Variants in PDE4A observed in about 807,000 individuals in gnomAD.
PDE4A encodes 3',5'-cyclic-AMP phosphodiesterase 4A.
PDE4A carries 21 observed loss-of-function variants against 73.9 expected under a neutral mutation model. The ratio of observed to expected loss-of-function variants is 0.28; its 90% confidence interval spans 0.20 to 0.41. The LOEUF is 0.41. PDE4A is among the 10% of genes least tolerant of loss of function. The pLI is 1.00. For synonymous variants in PDE4A, 463 were observed against 505.4 expected, an observed-to-expected ratio of 0.92 and a Z score of 1.13; for missense variants, 958 against 1,211.4, an observed-to-expected ratio of 0.79 and a Z score of 3.10.
At chr19:10,436,642 A>G (rs1401916545) in intron 1 of PDE4A, among the ~76,000 whole-genome samples, 2 of 152,242 alleles carry the variant, frequency 1.3e-5, no homozygotes, top group African/African-American at 4.8e-5. Flanking sequence ...AAGCACTTTC[A>G]TAATGCCAGG....
At chr19:10,417,519 C>T (rs186350114), upstream of PDE4A, 1,024 of 1,430,804 alleles carry the variant, frequency 7.2e-4, 5 homozygotes, top group African/African-American at 0.013. Context: ...TGTGAGGGGT[C>T]AGCGAGTGGC....
intron 8 of PDE4A, 192 bp from the exon 9 acceptor site, chr19:10,459,206 CAG>C: frequency 1.1e-6 from 1 of 912,036 alleles, no homozygotes; most frequent in African/African-American, 1.7e-5. Flanking sequence ...ACTCAAAAGA[CAG>C]TGGCTGTGAT....
intron 4 of PDE4A, 77 bp from the exon 5 acceptor site, chr19:10,450,525 TG>T (rs1295134622): frequency 6.6e-7 from 1 of 1,507,794 alleles, no homozygotes; most frequent in Non-Finnish European, 8.9e-7. Context: ...AAATTGGCAC[TG>T]TTCATGAAAG....
Position 10,468,482 on chromosome 19 carries a change from C to G in PDE4A, c.*861C>G, listed in dbSNP as rs905385972. 7.5e-6 allele frequency: 1 copy of G among 132,762 alleles called. No homozygotes were observed. Among genetic ancestry groups the G allele is most frequent in the African/African-American group, 3.0e-5 (1 of 32,924 alleles). The allele number at this position is 132,762 out of a possible 1,614,324, so 8.2% of individuals were successfully genotyped here. A position where few individuals can be genotyped will look rare whatever the true frequency, so the allele number is the denominator to read the frequency against. On this transcript the variant is annotated 3_prime_UTR_variant, in exon 15 of 15. Transcript: ENST00000380702. ...TGGGGCAGTGGCTCTGATCCACTCACCCCCCCGCCCCCCGCCCCACTTCTA... is the reference window on the plus strand; with the variant it reads ...TGGGGCAGTGGCTCTGATCCACTCAGCCCCCCGCCCCCCGCCCCACTTCTA...
intron 1 of PDE4A, chr19:10,432,379 G>T: frequency 7.5e-7 from 1 of 1,327,282 alleles, no homozygotes. Flanking sequence ...AGCAGCGCGC[G>T]CCACACCGCC....
chr19:10,452,996 C>T, intron 6 of PDE4A: 1 of 1,285,680 alleles, frequency 7.8e-7, no homozygotes, highest in Non-Finnish European at 9.9e-7. Flanking sequence ...TGCCCCCCTC[C>T]CATGGGCACG....
At chr19:10,463,304 G>A (rs974495175) in intron 13 of PDE4A, among the ~76,000 whole-genome samples, 2 of 151,174 alleles carry the variant, frequency 1.3e-5, no homozygotes, top group Non-Finnish European at 2.9e-5. Flanking sequence ...TGGCCAGGCC[G>A]ATCTCAAATT....
Position 10,420,930 on chromosome 19 carries a change from G to A in PDE4A, c.166G>A (p.Glu56Lys), listed in dbSNP as rs1257437320. ...RGYSDSAERA[E>K]RERQPHRPIE... ...CTACTCCGACAGCGCGGAGCGCGCC[G>A]AGCGGGAGCGGCAGCCGCACCGGCC... The change falls in exon 1 of 15, where the codon GAG becomes AAG. Residue 56 changes from glutamate (E) to lysine (K), a missense_variant. Coordinates refer to ENST00000380702, the MANE Select transcript of PDE4A (RefSeq NM_001111307.2). The surrounding 1 kb of genome is among the most constrained non-coding windows in gnomAD (Gnocchi z 6.0). The A allele has an allele frequency of 7.0e-6, 11 of 1,575,470 alleles. No individual in the cohort carries two copies. In the Admixed American group the frequency reaches 8.7e-5, roughly 12 times the overall value.
chr19:10,418,227 AGGGGATGGTGGAGTCTTGGAAGGGGTCT>A (rs752250034), upstream of PDE4A, among the ~76,000 whole-genome samples: 1 of 152,160 alleles, frequency 6.6e-6, no homozygotes, highest in Admixed American at 6.5e-5. Context: ...TCCGCCTTGA[AGGGGATGGTGGAGTCTTGGAAGGGGTCT>A]GGACTAGTAT....
chr19:10,417,871 T>C (rs1195738346), upstream of PDE4A: 1 of 1,551,558 alleles, frequency 6.4e-7, no homozygotes. Flanking sequence ...GACAGGTAGG[T>C]AGGAGAGGGA....
intron 14 of PDE4A, 187 bp from the exon 15 acceptor site, chr19:10,466,700 G>A (rs1172007612): frequency 2.7e-5 from 9 of 333,848 alleles, no homozygotes; most frequent in Non-Finnish European, 3.4e-5. Context: ...CACCATGCTG[G>A]CCAGGCTGGT....
intron 1 of PDE4A, among the ~76,000 whole-genome samples, chr19:10,421,662 T>C (rs2042652995): frequency 6.6e-6 from 1 of 152,082 alleles, no homozygotes; most frequent in Admixed American, 6.5e-5. Flanking sequence ...AGCCTTGCGT[T>C]AGATTGGAGT....
At chr19:10,440,251 TG>T (rs1568371196) in intron 1 of PDE4A, among the ~76,000 whole-genome samples, 1 of 152,082 alleles carries the variant, frequency 6.6e-6, no homozygotes, top group Non-Finnish European at 1.5e-5. Context: ...CCCAAAGCGC[TG>T]GGATTACAGG....
intron 10 of PDE4A, among the ~76,000 whole-genome samples, chr19:10,460,371 C>T (rs1429455052): frequency 6.7e-6 from 1 of 148,750 alleles, no homozygotes; most frequent in African/African-American, 2.5e-5. Flanking sequence ...TGGTGGGGCA[C>T]GCCTGTAATC....
chr19:10,432,586 G>A, intron 1 of PDE4A: 1 of 1,511,968 alleles, frequency 6.6e-7, no homozygotes, highest in African/African-American at 1.5e-5. Flanking sequence ...GTGGCCCGTG[G>A]CCAGTCAGTC....
rs1462090690 is a variant in PDE4A, at chr19:10,459,697, A to G, written c.1303A>G (p.Ser435Gly). The part of the protein sequence containing the change: ...HYHADVAYHN[S>G]LHAADVLQST... Reference sequence around the variant, plus strand: ...CCACGCTGACGTGGCCTACCATAACAGCCTGCACGCAGCTGACGTGCTGCA... The same window carrying G: ...CCACGCTGACGTGGCCTACCATAACGGCCTGCACGCAGCTGACGTGCTGCA... Residue 435 changes from serine to glycine, a missense_variant, in exon 10 of 15, where the codon AGC becomes GGC. Transcript: ENST00000380702. The G allele has an allele frequency of 1.2e-6, 2 of 1,614,182 alleles. No individual in the cohort carries two copies. Among genetic ancestry groups the G allele is most frequent in the Admixed American group, 3.3e-5 (2 of 60,018 alleles).
At chr19:10,456,916 G>A (rs2043178880) in intron 7 of PDE4A, among the ~76,000 whole-genome samples, 1 of 152,054 alleles carries the variant, frequency 6.6e-6, no homozygotes, top group Admixed American at 6.6e-5. Flanking sequence ...AAAGTGTTGG[G>A]GCTGGGTGCG....
rs532788597 is a variant in PDE4A at position 10,467,516 on chromosome 19, C to T, written c.2556C>T (p.His852=). ...TAAEVEAQRE[H]QAAKRACSAC... The stretch of plus-strand genomic sequence containing the variant: ...CCGAGGTGGAGGCCCAACGAGAGCA[C>T]CAGGCTGCCAAGAGGGCTTGCAGTG... The change falls in exon 15 of 15, where the codon CAC becomes CAT. Residue 852 remains histidine, a synonymous_variant. Coordinates refer to ENST00000380702, the MANE Select transcript of PDE4A (RefSeq NM_001111307.2). 6.2e-7 allele frequency: 1 copy of T among 1,612,794 alleles called. No homozygotes were observed. The highest frequency in any genetic ancestry group is 1.1e-5 in the South Asian group (1 of 91,054).
chr19:10,432,407 C>G, intron 1 of PDE4A: 1 of 1,381,356 alleles, frequency 7.2e-7, no homozygotes, highest in African/African-American at 1.5e-5. Flanking sequence ...CGTCCCCATG[C>G]GCGCCCCGAC....
Sources: gnomAD v4.1 joint callset for allele counts (sites outside exome capture counted in the v4.1 genomes callset) on GRCh38, gnomAD v4.1.1 for gene constraint, Gnocchi (gnomAD v3.1) non-coding constraint, MANE v1.5 for transcripts, NCBI Gene and HGNC (gene_info 2026-07-23, HGNC 2026-07-21) for gene names.